The following TOX variants were observed in gnomAD, a reference collection of about 807,000 sequenced individuals.
TOX encodes the protein thymocyte selection associated high mobility group box.
A neutral mutation model predicts 53.7 loss-of-function variants in TOX; 11 were observed. The ratio of observed to expected loss-of-function variants is 0.20; its 90% confidence interval spans 0.13 to 0.34. The LOEUF is 0.34. TOX is among the 10% of genes least tolerant of loss of function. The probability of loss-of-function intolerance (pLI) is 1.00; values close to 1 mark genes in which losing one functional copy is unlikely to be tolerated. For synonymous variants in TOX, 225 were observed against 245.3 expected (o/e 0.92, Z 0.77); for missense variants, 570 against 664.6 (o/e 0.86, Z 1.56).
intron 4 of TOX, among the ~76,000 whole-genome samples, chr8:58,849,099 A>G (rs1011542330): frequency 1.3e-5 from 2 of 152,142 alleles, no homozygotes; most frequent in Admixed American, 1.3e-4. Context: ...ATGCTTTAAC[A>G]TTTTCATCAG....
intron 1 of TOX, among the ~76,000 whole-genome samples, chr8:59,093,391 T>G (rs1335993632): frequency 1.3e-5 from 2 of 152,188 alleles, no homozygotes. Context: ...CAAGCACAGG[T>G]GGTGGTAGGT....
At chr8:58,901,236 T>C (rs765153398) in intron 3 of TOX, among the ~76,000 whole-genome samples, 10 of 152,168 alleles carry the variant, frequency 6.6e-5, no homozygotes, top group Non-Finnish European at 1.5e-4. Flanking sequence ...AATTTTCTAA[T>C]AAAAAATGCA....
intron 1 of TOX, among the ~76,000 whole-genome samples, chr8:59,076,365 TGA>T (rs1380966996): frequency 6.6e-6 from 1 of 152,214 alleles, no homozygotes; most frequent in Non-Finnish European, 1.5e-5. Flanking sequence ...TGAGGAGATG[TGA>T]GAGTGCCTTT....
At chr8:58,978,377 T>C (rs1460694630) in intron 1 of TOX, among the ~76,000 whole-genome samples, 6 of 152,158 alleles carry the variant, frequency 3.9e-5, no homozygotes, top group Non-Finnish European at 8.8e-5. Flanking sequence ...AGGAGTTCAT[T>C]TGGGTTCTTT....
intron 1 of TOX, among the ~76,000 whole-genome samples, chr8:59,012,220 A>C (rs375190846): frequency 2.6e-5 from 4 of 152,172 alleles, no homozygotes; most frequent in Admixed American, 6.5e-5. Context: ...TAATATTTGG[A>C]GATAAGGCAA....
At chr8:58,866,905 C>T (rs1029169730) in intron 3 of TOX, among the ~76,000 whole-genome samples, 1 of 152,094 alleles carries the variant, frequency 6.6e-6, no homozygotes, top group African/African-American at 2.4e-5. Flanking sequence ...GTGTCTAAGA[C>T]ATATTTAATA....
chr8:58,868,835 T>A (rs1400294703), intron 3 of TOX, among the ~76,000 whole-genome samples: 1 of 148,398 alleles, frequency 6.7e-6, no homozygotes, highest in Non-Finnish European at 1.5e-5. Flanking sequence ...AGAGGAGGAT[T>A]CAATGAAATC....
intron 1 of TOX, among the ~76,000 whole-genome samples, chr8:59,021,499 T>TATATATATACACAC (rs1554539851): frequency 1.1e-4 from 12 of 109,596 alleles, no homozygotes; most frequent in Non-Finnish European, 2.0e-4. Flanking sequence ...TATATATATA[T>TATATATATACACAC]GCACATATAT....
Position 58,868,920 on chromosome 8 carries a change from T to C in TOX, c.412-17115A>G, listed in dbSNP as rs1007841761. Among the ~76,000 whole-genome samples, 4 of 147,884 alleles carry C rather than the reference T, an allele frequency of 2.7e-5. No homozygotes were observed. In the East Asian group the frequency reaches 5.9e-4, roughly 22 times the overall value. On this transcript the variant is annotated intron_variant, in intron 3 of 8. Transcript: ENST00000361421. Reference sequence around the variant, plus strand: ...CTGGTTCTTTGAGAAAGCAGTAAAATTGATAGACCTCTAGACAGGCTAGTC... The same window carrying C: ...CTGGTTCTTTGAGAAAGCAGTAAAACTGATAGACCTCTAGACAGGCTAGTC...
chr8:58,867,091 C>T (rs1811115920), intron 3 of TOX, among the ~76,000 whole-genome samples: 1 of 152,154 alleles, frequency 6.6e-6, no homozygotes, highest in African/African-American at 2.4e-5. Context: ...ACCCTCTGAT[C>T]ATTCTTCTGC....
At chr8:58,979,360 G>C (rs1208920246) in intron 1 of TOX, among the ~76,000 whole-genome samples, 1 of 152,144 alleles carries the variant, frequency 6.6e-6, no homozygotes, top group Non-Finnish European at 1.5e-5. Context: ...TGTTGATACA[G>C]AACAAAGGAG....
intron 3 of TOX, among the ~76,000 whole-genome samples, chr8:58,931,270 A>C (rs17232411): frequency 0.083 from 12,559 of 152,208 alleles, 625 homozygotes; most frequent in South Asian, 0.19. Context: ...TTAATCTGCA[A>C]TCTCAGGTTC....
chr8:58,992,128 G>A (rs1585947655), intron 1 of TOX: 1 of 152,222 alleles, frequency 6.6e-6, no homozygotes, highest in Non-Finnish European at 1.5e-5. Context: ...AAAAATAGTT[G>A]TTTTCTGAAA....
At chr8:59,074,478 C>A (rs1185097041) in intron 1 of TOX, among the ~76,000 whole-genome samples, 1 of 151,950 alleles carries the variant, frequency 6.6e-6, no homozygotes, top group Non-Finnish European at 1.5e-5. Context: ...GTAAGATATG[C>A]GGATGGATCA....
intron 1 of TOX, among the ~76,000 whole-genome samples, chr8:59,010,906 GGTAT>G (rs1320983837): frequency 6.6e-6 from 1 of 152,148 alleles, no homozygotes; most frequent in Admixed American, 6.5e-5. Flanking sequence ...CAGGTTGCCC[GGTAT>G]GTGTGCCTAT....
At chr8:58,985,780 T>G (rs921639207) in intron 1 of TOX, among the ~76,000 whole-genome samples, 2 of 152,232 alleles carry the variant, frequency 1.3e-5, no homozygotes, top group African/African-American at 4.8e-5. Flanking sequence ...CAAATCTCTT[T>G]CTTCTTGTAT....
chr8:58,897,217 T>C (rs896646808), intron 3 of TOX, among the ~76,000 whole-genome samples: 4 of 152,282 alleles, frequency 2.6e-5, no homozygotes, highest in African/African-American at 9.6e-5. Context: ...ATGATCATCA[T>C]TTTCTCCAAT....
intron 3 of TOX, among the ~76,000 whole-genome samples, chr8:58,928,881 A>G (rs1812210386): frequency 6.6e-6 from 1 of 152,204 alleles, no homozygotes. Flanking sequence ...ATGTGATTAC[A>G]TATACAATAG....
At chr8:58,943,627 A>AC (rs926807266) in intron 2 of TOX, among the ~76,000 whole-genome samples, 3 of 151,554 alleles carry the variant, frequency 2.0e-5, no homozygotes, top group African/African-American at 7.3e-5. Flanking sequence ...AAAAAAAAAA[A>AC]AAACAAACAA....
Sources: allele counts gnomAD v4.1 joint callset (sites outside exome capture counted in the v4.1 genomes callset), GRCh38; gene constraint gnomAD v4.1.1; transcripts MANE v1.5; gene names NCBI Gene and HGNC (gene_info 2026-07-23, HGNC 2026-07-21).